Variants in TECPR2 observed in about 807,000 individuals in gnomAD.
TECPR2 encodes tectonin beta-propeller repeat containing 2.
In TECPR2, 65 loss-of-function variants were observed where a neutral mutation model predicts 138.1. That is an observed-to-expected ratio of 0.47 (90% CI 0.39 to 0.58). TECPR2 has a LOEUF of 0.58. Among genes scored for constraint, TECPR2 ranks in the 20% least tolerant of loss-of-function variants. The pLI, the probability that TECPR2 is intolerant of heterozygous loss-of-function variation, is 0.00. For synonymous variants in TECPR2, 746 were observed against 749.8 expected (o/e 0.99, Z 0.08); for missense variants, 1,553 against 1,824.5 (o/e 0.85, Z 2.71).
Position 102,416,416 on chromosome 14 carries a change from C to T in TECPR2, c.638+1623C>T, listed in dbSNP as rs150431813. Among the ~76,000 whole-genome samples the T allele has an allele frequency of 7.2e-5, 11 of 152,236 alleles. 1 individual carries two copies. Among genetic ancestry groups the T allele is most frequent in the South Asian group, 2.1e-4 (1 of 4,826 alleles). ...GATTACAGGTGTGAGCCACCACATG[C>T]GGCCTGCTGAACACCTTCTTAATCC... On this transcript the variant is annotated intron_variant, in intron 5 of 19. Coordinates refer to ENST00000359520, the MANE Select transcript of TECPR2 (RefSeq NM_014844.5).
At chr14:102,449,471 C>G (rs554743119) in intron 13 of TECPR2, among the ~76,000 whole-genome samples, 158 bp from the exon 14 acceptor site, 5 of 152,306 alleles carry the variant, frequency 3.3e-5, no homozygotes, top group African/African-American at 1.2e-4. Context: ...TTTTTTTGGT[C>G]CTTTCACAAG....
In TECPR2 at chr14:102,376,831, A is replaced by G. The variant is rs368485063; in HGVS notation, c.110A>G (p.Tyr37Cys). The G allele has an allele frequency of 1.7e-5, 27 of 1,614,076 alleles. No homozygotes were observed. Among genetic ancestry groups the G allele is most frequent in the African/African-American group, 2.7e-5 (2 of 74,934 alleles). The change falls in exon 2 of 20, where the codon TAT (tyrosine) becomes TGT (cysteine). Residue 37 changes from tyrosine to cysteine, a missense_variant. Tyr to Cys is a radical substitution (Grantham distance 194). Transcript: ENST00000359520. ...AAGGGTTTCCGCTCTATCGTGGTCT[A>G]TCTCACGGCCCTCGACACCAACGGG... ...IQKGFRSIVV[Y>C]LTALDTNGDY...
Position 102,424,693 on chromosome 14 carries a change from C to T in TECPR2, c.639-286C>T, listed in dbSNP as rs79626131. Among the ~76,000 whole-genome samples, 1,424 of 152,212 alleles carry T rather than the reference C, an allele frequency of 9.4e-3. 15 individuals carry two copies. Among genetic ancestry groups the T allele is most frequent in the Non-Finnish European group, 0.013 (882 of 68,022 alleles). On this transcript the variant is annotated intron_variant, in intron 5 of 19. Coordinates refer to ENST00000359520, the MANE Select transcript of TECPR2 (RefSeq NM_014844.5). Reference sequence around the variant, plus strand: ...TCATGGTTGTTGTAAGGATTAGACACGAGAGTGGGATCAAGTGCCAGGCAC... The same window carrying T: ...TCATGGTTGTTGTAAGGATTAGACATGAGAGTGGGATCAAGTGCCAGGCAC...
intron 9 of TECPR2, 58 bp from the exon 10 acceptor site, chr14:102,437,964 G>C (rs1175501836): frequency 5.9e-5 from 93 of 1,573,374 alleles, no homozygotes; most frequent in Non-Finnish European, 7.8e-5. Flanking sequence ...ACTGAGAACA[G>C]TAAGCCAAAT....
At chr14:102,384,232 A>G (rs1277336620) in intron 2 of TECPR2, among the ~76,000 whole-genome samples, 1 of 151,260 alleles carries the variant, frequency 6.6e-6, no homozygotes, top group Non-Finnish European at 1.5e-5. Flanking sequence ...AGTTGTTTTT[A>G]TTTTTTTACT....
chr14:102,418,451 G>A (rs191014366), intron 5 of TECPR2, among the ~76,000 whole-genome samples: 22 of 152,360 alleles, frequency 1.4e-4, no homozygotes, highest in Non-Finnish European at 2.9e-4. Context: ...CCTCTGAGGA[G>A]GTAGCATGGG....
chr14:102,443,873 C>G lies in TECPR2; in HGVS notation c.2933+46C>G. ...CCTTTCACATCGTGCTTGTCCTACC[C>G]TTCGTTCTTGTCCACTTGACACCAC... On this transcript the variant is annotated intron_variant, in intron 12 of 19. Transcript: ENST00000359520. The surrounding 1 kb of genome is among the most constrained non-coding windows in gnomAD (Gnocchi z 4.9). 3 of 1,458,194 alleles carry G rather than the reference C, an allele frequency of 2.1e-6. No homozygotes were observed. The highest frequency in any genetic ancestry group is 2.3e-4 in the Middle Eastern group (1 of 4,328). 90.3% of individuals were successfully genotyped at this position (1,458,194 alleles called of 1,614,324 possible). A position where few individuals can be genotyped will look rare whatever the true frequency, so the allele number is the denominator to read the frequency against.
intron 16 of TECPR2, among the ~76,000 whole-genome samples, chr14:102,455,063 G>A (rs76351837): frequency 0.031 from 4,692 of 152,210 alleles, 237 homozygotes; most frequent in African/African-American, 0.1. Context: ...GGTTTCTCTC[G>A]GGGAGAAACC....
chr14:102,473,617 A>G (rs1033051810), intron 17 of TECPR2, among the ~76,000 whole-genome samples: 1 of 152,208 alleles, frequency 6.6e-6, no homozygotes, highest in African/African-American at 2.4e-5. Context: ...CTGTTGTCCT[A>G]TTCTCTTCTC....
At chr14:102,463,404 G>A (rs1332777226) in intron 16 of TECPR2, among the ~76,000 whole-genome samples, 5 of 123,442 alleles carry the variant, frequency 4.1e-5, no homozygotes, top group Admixed American at 9.9e-5. Flanking sequence ...GCGACAGAGC[G>A]AGACTCCGTC....
At chr14:102,444,044 C>T (rs781376538) in intron 12 of TECPR2, among the ~76,000 whole-genome samples, 3 of 152,162 alleles carry the variant, frequency 2.0e-5, no homozygotes, top group African/African-American at 2.4e-5. Flanking sequence ...CTCTGCGCAG[C>T]CCTGAGCATC....
At chr14:102,427,419 C>T (rs1209151) in intron 6 of TECPR2, among the ~76,000 whole-genome samples, 39,939 of 152,082 alleles carry the variant, frequency 0.26, 6,108 homozygotes, top group East Asian at 0.47. Flanking sequence ...ACTGGACCAC[C>T]CAGTGGCAGC....
intron 2 of TECPR2, among the ~76,000 whole-genome samples, chr14:102,387,429 C>A (rs774075412): frequency 6.6e-6 from 1 of 152,150 alleles, no homozygotes; most frequent in South Asian, 2.1e-4. Flanking sequence ...GACTACCTGA[C>A]CTGAGTTTCT....
intron 17 of TECPR2, among the ~76,000 whole-genome samples, chr14:102,482,127 C>A (rs1248557475): frequency 6.6e-6 from 1 of 151,926 alleles, no homozygotes; most frequent in South Asian, 2.1e-4. Context: ...AATCTCTGCT[C>A]ACTGCAACCT....
rs1170454336 is a variant in TECPR2, at chr14:102,501,571, T to C, written c.*3314T>C. 6.6e-6 allele frequency: 1 copy of C among 152,038 alleles called. No homozygotes were observed. The allele number at this position is 152,038 out of a possible 1,614,324, so 9.4% of individuals were successfully genotyped here. A position where few individuals can be genotyped will look rare whatever the true frequency, so the allele number is the denominator to read the frequency against. ...AAATAAATAAATAGAAGGAAATAAA[T>C]GTAAAAATGCTGCAAATTAAAAACC... On this transcript the variant is annotated 3_prime_UTR_variant, in exon 20 of 20. Transcript: ENST00000359520.
At chr14:102,462,569 C>T (rs539147434) in intron 16 of TECPR2, among the ~76,000 whole-genome samples, 7 of 152,272 alleles carry the variant, frequency 4.6e-5, no homozygotes, top group South Asian at 2.1e-4. Flanking sequence ...TGCTACACTC[C>T]GTGGGCTGTC....
chr14:102,497,480 G>C, intron 18 of TECPR2, 90 bp from the exon 19 acceptor site: 1 of 1,394,278 alleles, frequency 7.2e-7, no homozygotes, highest in Non-Finnish European at 9.4e-7. Context: ...GACCCTGGTG[G>C]AGGTGTGCAG....
chr14:102,425,131 G>T lies in TECPR2; in HGVS notation c.791G>T (p.Gly264Val), dbSNP rs1889280973. The change falls in exon 6 of 20, where the codon GGA (glycine) becomes GTA (valine). Residue 264 changes from glycine to valine, a missense_variant. Coordinates refer to ENST00000359520, the MANE Select transcript of TECPR2 (RefSeq NM_014844.5). ...TFILKDAFAG[G>V]VKPFELHPRL... ...ATCTTAAAAGATGCTTTTGCCGGGG[G>T]AGTCAAGCCTTTTGAACTGCACCCG... The T allele has an allele frequency of 6.2e-7, 1 of 1,614,130 alleles. No homozygotes were observed. Among genetic ancestry groups the T allele is most frequent in the African/African-American group, 1.3e-5 (1 of 75,016 alleles).
At chr14:102,385,829 A>C (rs929192155) in intron 2 of TECPR2, among the ~76,000 whole-genome samples, 7 of 151,984 alleles carry the variant, frequency 4.6e-5, no homozygotes, top group Admixed American at 3.9e-4. Context: ...CCAGCTACTC[A>C]GGAGGCTCAG....
Sources: allele counts gnomAD v4.1 joint callset (sites outside exome capture counted in the v4.1 genomes callset), GRCh38; gene constraint gnomAD v4.1.1; non-coding constraint Gnocchi (gnomAD v3.1); transcripts MANE v1.5; gene names NCBI Gene and HGNC (gene_info 2026-07-23, HGNC 2026-07-21).